The following PITRM1 variants were observed in gnomAD, a reference collection of about 807,000 sequenced individuals.
PITRM1 encodes the protein presequence protease, mitochondrial.
Under a neutral mutation model 129.9 loss-of-function variants are expected in PITRM1, and 100 were observed. That is an observed-to-expected ratio of 0.77 (90% CI 0.65 to 0.91). The LOEUF (loss-of-function observed/expected upper bound fraction) is 0.91. PITRM1 is among the 40% of genes least tolerant of loss of function. The probability of loss-of-function intolerance (pLI) is 0.00; values close to 1 mark genes in which losing one functional copy is unlikely to be tolerated. For missense variants in PITRM1, 1,471 were observed against 1,318.3 expected (o/e 1.12, Z -1.79); for synonymous variants, 591 against 508.8 (o/e 1.16, Z -2.17).
chr10:3,143,165 T>C, intron 23 of PITRM1: 1 of 562,190 alleles, frequency 1.8e-6, no homozygotes, highest in Admixed American at 3.1e-5. Flanking sequence ...GACTCCTCAA[T>C]AATAGAAATT....
rs184350865 is a variant in PITRM1 at position 3,139,073 on chromosome 10, G to A, written c.2772-24C>T. The A allele has an allele frequency of 9.0e-4, 1,452 of 1,609,412 alleles. 11 individuals carry two copies. In the African/African-American group the frequency reaches 0.013, roughly 14 times the overall value. On this transcript the variant is annotated intron_variant, in intron 24 of 26. Transcript: ENST00000224949. ...CCCTAGGAAACCCAGAGAAATAAACGGGCAAGCATTTTACCAGTGGACAAG... is the reference window on the plus strand; with the variant it reads ...CCCTAGGAAACCCAGAGAAATAAACAGGCAAGCATTTTACCAGTGGACAAG...
chr10:3,160,091 C>G, intron 8 of PITRM1, 113 bp downstream of exon 8: 2 of 1,313,616 alleles, frequency 1.5e-6, no homozygotes, highest in African/African-American at 1.5e-5. Flanking sequence ...GAAAAGCTCT[C>G]CCATACTCTG....
At chr10:3,140,191 G>C (rs762079626) in intron 24 of PITRM1, among the ~76,000 whole-genome samples, 1 of 152,150 alleles carries the variant, frequency 6.6e-6, no homozygotes, top group Non-Finnish European at 1.5e-5. Flanking sequence ...GTAAAACAAG[G>C]GTTCTGTGAA....
chr10:3,160,069 T>A, intron 8 of PITRM1, 133 bp from the exon 9 acceptor site: 1 of 1,252,042 alleles, frequency 8.0e-7, no homozygotes, highest in South Asian at 1.3e-5. Context: ...CAAATTACCA[T>A]TCTTTCAGCT....
chr10:3,154,837 C>T (rs1307599816), intron 14 of PITRM1, among the ~76,000 whole-genome samples: 2 of 152,154 alleles, frequency 1.3e-5, no homozygotes, highest in Admixed American at 6.5e-5. Flanking sequence ...TCGTTCCACC[C>T]GGCTGCTCCC....
chr10:3,143,545 C>G, intron 22 of PITRM1, 44 bp from the exon 23 acceptor site: 1 of 1,343,994 alleles, frequency 7.4e-7, no homozygotes. Context: ...CTGCCATGCA[C>G]CGCCCACGGC....
intron 19 of PITRM1, 153 bp downstream of exon 19, chr10:3,147,419 T>A: frequency 9.9e-7 from 1 of 1,007,496 alleles, no homozygotes; most frequent in Non-Finnish European, 1.5e-6. Context: ...AAGAGGAAGA[T>A]GAGTCAAAAC....
At chr10:3,143,757 C>T (rs1007316274) in intron 22 of PITRM1, 8 of 684,636 alleles carry the variant, frequency 1.2e-5, no homozygotes, top group South Asian at 4.5e-5. Flanking sequence ...CCAATCTTGA[C>T]GTGATGCCTT....
At position 3,147,132 on chromosome 10, in the gene PITRM1, A is replaced by C. The variant is rs1203123389; in HGVS notation, c.2336+18T>G. ...TAGAATGAATCATAAAATATTTAGA[A>C]ACAAATCACACATGCACCTCATATT... On this transcript the variant is annotated intron_variant, in intron 20 of 26. Coordinates refer to ENST00000224949, the MANE Select transcript of PITRM1 (RefSeq NM_014889.4). The C allele has an allele frequency of 7.6e-7, 1 of 1,312,002 alleles. No individual in the cohort carries two copies. Among genetic ancestry groups the C allele is most frequent in the African/African-American group, 1.5e-5 (1 of 68,756 alleles). The allele number at this position is 1,312,002 out of a possible 1,614,324, so 81.3% of individuals were successfully genotyped here. A position where few individuals can be genotyped will look rare whatever the true frequency, so the allele number is the denominator to read the frequency against.
intron 7 of PITRM1, among the ~76,000 whole-genome samples, chr10:3,162,923 C>T (rs1187925628): frequency 3.3e-5 from 5 of 152,210 alleles, no homozygotes. Context: ...AAGAAATAGG[C>T]AGTTTTAAGA....
intron 23 of PITRM1, 82 bp downstream of exon 23, chr10:3,143,307 A>C: frequency 1.2e-6 from 1 of 864,904 alleles, no homozygotes; most frequent in Non-Finnish European, 1.9e-6. Flanking sequence ...CTGTGCTAAA[A>C]CACGCCCTGT....
rs745794195 is a variant in PITRM1, at chr10:3,139,004, G to A, written c.2817C>T (p.Val939=). Residue 939 remains valine (V), a synonymous_variant, in exon 25 of 27, where the codon GTC becomes GTT. Coordinates refer to ENST00000224949, the MANE Select transcript of PITRM1 (RefSeq NM_014889.4). ...IETLQSFGKA[V]DWAKSGKFTQ... ...TGAATTTTCCAGACTTAGCCCAGTC[G>A]ACAGCCTTCCCAAAAGACTGGAGCG... 35 of 1,613,664 alleles carry A rather than the reference G, an allele frequency of 2.2e-5. No individual in the cohort carries two copies. The highest frequency in any genetic ancestry group is 3.3e-5 in the South Asian group (3 of 91,082).
At chr10:3,151,107 AGCGAG>A in intron 15 of PITRM1, 135 bp downstream of exon 15, 2 of 664,082 alleles carry the variant, frequency 3.0e-6, no homozygotes, top group South Asian at 3.3e-5. Context: ...AATCGTGTAG[AGCGAG>A]ACTATGAACG....
In PITRM1 at chr10:3,148,151, G is replaced by A. The variant is rs759296744; in HGVS notation, c.1992+20C>T. On this transcript the variant is annotated intron_variant, in intron 17 of 26. Transcript: ENST00000224949. ...AGAAAAGCTTCCCACCGCAGCAGTC[G>A]TCTGACGGTACCAGGCTACCTGCTC... The A allele has an allele frequency of 9.7e-5, 157 of 1,613,788 alleles. No individual in the cohort carries two copies. The highest frequency in any genetic ancestry group is 2.5e-4 in the East Asian group (11 of 44,882).
chr10:3,147,288 C>A, intron 19 of PITRM1, 38 bp from the exon 20 acceptor site: 2 of 1,414,450 alleles, frequency 1.4e-6, no homozygotes, highest in Non-Finnish European at 2.0e-6. Context: ...GAGGCAGAGG[C>A]TACAACAGAC....
intron 1 of PITRM1, chr10:3,172,266 A>T: frequency 2.2e-6 from 1 of 463,246 alleles, no homozygotes; most frequent in South Asian, 1.5e-5. Flanking sequence ...TCATTAAAAA[A>T]ACAAAACAGT....
Position 3,137,964 on chromosome 10 carries a change from T to C in PITRM1, c.*67A>G, listed in dbSNP as rs1237877783. 3.2e-6 allele frequency: 3 copies of C among 924,236 alleles called. No individual in the cohort carries two copies. Among genetic ancestry groups the C allele is most frequent in the Non-Finnish European group, 5.1e-6 (3 of 593,098 alleles). The allele number at this position is 924,236 out of a possible 1,614,324, so 57.3% of individuals were successfully genotyped here. ...TTCTTGGAAAAAGCAGTAGCATTTC[T>C]GACTTTTCATATTCAGCTCGGAGGT... On this transcript the variant is annotated 3_prime_UTR_variant, in exon 27 of 27. Coordinates refer to ENST00000224949, the MANE Select transcript of PITRM1 (RefSeq NM_014889.4).
In PITRM1 at chr10:3,160,190, G is replaced by A. The variant is rs760378514; in HGVS notation, c.918+14C>T. On this transcript the variant is annotated intron_variant, in intron 8 of 26. Coordinates refer to ENST00000224949, the MANE Select transcript of PITRM1 (RefSeq NM_014889.4). ...TATTTACCAGGAAGGACACAAACAC[G>A]GTGGGGCACTCACAGGCTTGTCCCA... The A allele has an allele frequency of 1.2e-5, 19 of 1,613,104 alleles. No homozygotes were observed. Among genetic ancestry groups the A allele is most frequent in the African/African-American group, 5.3e-5 (4 of 74,900 alleles).
At chr10:3,162,561 C>T (rs911163868) in intron 7 of PITRM1, among the ~76,000 whole-genome samples, 11 of 152,156 alleles carry the variant, frequency 7.2e-5, no homozygotes, top group African/African-American at 2.2e-4. Context: ...GCATGGACCC[C>T]GCTGGTGTGA....
Sources: gnomAD v4.1 joint callset for allele counts (sites outside exome capture counted in the v4.1 genomes callset) on GRCh38, gnomAD v4.1.1 for gene constraint, MANE v1.5 for transcripts, NCBI Gene and HGNC (gene_info 2026-07-23, HGNC 2026-07-21) for gene names.